INTS9: variants seen among roughly 807,000 people sequenced by gnomAD.
INTS9 encodes protein related to CPSF subunits of 74 kDa.
INTS9 carries 55 observed loss-of-function variants against 79.7 expected under a neutral mutation model. The ratio of observed to expected loss-of-function variants is 0.69; its 90% confidence interval spans 0.56 to 0.86. The LOEUF (loss-of-function observed/expected upper bound fraction) is 0.86. Among genes scored for constraint, INTS9 ranks in the 40% least tolerant of loss-of-function variants. The pLI is 0.00. For synonymous variants in INTS9, 319 were observed against 325.2 expected (o/e 0.98, Z 0.20); for missense variants, 721 against 831.5 (o/e 0.87, Z 1.64).
chr8:28,794,195 A>C (rs1461688679), intron 9 of INTS9, among the ~76,000 whole-genome samples: 1 of 152,212 alleles, frequency 6.6e-6, no homozygotes, highest in Non-Finnish European at 1.5e-5. Flanking sequence ...TGTCTAATCT[A>C]GGTCCCTGGG....
At chr8:28,846,712 G>GT (rs757521496) in intron 4 of INTS9, 35 bp downstream of exon 4, 1 of 1,488,300 alleles carries the variant, frequency 6.7e-7, no homozygotes, top group South Asian at 1.1e-5. Context: ...ACATAATAAG[G>GT]TTTGTTTCTA....
intron 8 of INTS9, among the ~76,000 whole-genome samples, chr8:28,809,516 A>C (rs1804990924): frequency 6.6e-6 from 1 of 152,208 alleles, no homozygotes; most frequent in South Asian, 2.1e-4. Context: ...GCCAGCTAAA[A>C]ATTAAAATTA....
intron 1 of INTS9, among the ~76,000 whole-genome samples, chr8:28,873,089 C>CTAAAATGTGT (rs1257583214): frequency 6.6e-6 from 1 of 151,106 alleles, no homozygotes; most frequent in Non-Finnish European, 1.5e-5. Context: ...GAAAAGTTTT[C>CTAAAATGTGT]TAAAAATGTG....
At chr8:28,827,324 T>C (rs768031702) in intron 6 of INTS9, among the ~76,000 whole-genome samples, 5 of 152,222 alleles carry the variant, frequency 3.3e-5, no homozygotes, top group Non-Finnish European at 7.3e-5. Context: ...GCCTCTTCCT[T>C]CATCCTGCCA....
intron 6 of INTS9, among the ~76,000 whole-genome samples, chr8:28,823,663 T>G (rs1030344035): frequency 2.6e-5 from 4 of 152,182 alleles, no homozygotes; most frequent in African/African-American, 9.7e-5. Flanking sequence ...AGAAATTTAA[T>G]TACTTACAAA....
intron 8 of INTS9, among the ~76,000 whole-genome samples, chr8:28,802,444 A>T (rs545666826): frequency 6.6e-6 from 1 of 152,080 alleles, no homozygotes; most frequent in Non-Finnish European, 1.5e-5. Flanking sequence ...TCCCTCATAG[A>T]CCCAAGGAAC....
At chr8:28,835,444 CA>C in intron 5 of INTS9, 66 bp from the exon 6 acceptor site, 1 of 1,158,816 alleles carries the variant, frequency 8.6e-7, no homozygotes, top group Admixed American at 1.9e-5. Flanking sequence ...CATACTCTAA[CA>C]GTTGGCCAGG....
chr8:28,774,091 G>A (rs147052439), intron 14 of INTS9, among the ~76,000 whole-genome samples: 113 of 152,308 alleles, frequency 7.4e-4, no homozygotes, highest in Middle Eastern at 6.8e-3. Context: ...AGGATTACAG[G>A]AGTGAGCTAC....
intron 8 of INTS9, among the ~76,000 whole-genome samples, chr8:28,808,477 C>A (rs916771971): frequency 6.6e-6 from 1 of 152,140 alleles, no homozygotes; most frequent in South Asian, 2.1e-4. Context: ...TGCCACCGTG[C>A]CCGGTTAGAT....
At chr8:28,808,404 T>C (rs1343775044) in intron 8 of INTS9, among the ~76,000 whole-genome samples, 11 of 152,090 alleles carry the variant, frequency 7.2e-5, no homozygotes, top group Admixed American at 7.2e-4. Flanking sequence ...TGTTGGGGTC[T>C]TGAACTCCTG....
rs755645262 is a variant in INTS9, at chr8:28,770,953, C to T, written c.1662+29G>A. On this transcript the variant is annotated intron_variant, in intron 15 of 16. Coordinates refer to ENST00000521022, the MANE Select transcript of INTS9 (RefSeq NM_018250.4). Reference sequence around the variant, plus strand: ...TCTGGTTTCTTGCTGGGGAGAGGGTCCCCTGCACTCCCACCCAGCACCCCC... The same window carrying T: ...TCTGGTTTCTTGCTGGGGAGAGGGTTCCCTGCACTCCCACCCAGCACCCCC... The T allele has an allele frequency of 5.2e-6, 8 of 1,534,396 alleles. 1 individual carries two copies. In the South Asian group the frequency reaches 7.9e-5, roughly 15 times the overall value.
intron 11 of INTS9, among the ~76,000 whole-genome samples, chr8:28,781,577 T>G (rs1803269513): frequency 6.6e-6 from 1 of 152,162 alleles, no homozygotes; most frequent in Non-Finnish European, 1.5e-5. Flanking sequence ...ATGAAACTGA[T>G]GCATCCAGAC....
chr8:28,854,435 C>G (rs566246625), intron 2 of INTS9, among the ~76,000 whole-genome samples: 10 of 152,016 alleles, frequency 6.6e-5, no homozygotes, highest in African/African-American at 2.4e-4. Context: ...GCACTTTTGA[C>G]AGTTTGCAGT....
chr8:28,798,138 G>C (rs1053378088), intron 8 of INTS9: 1 of 152,214 alleles, frequency 6.6e-6, no homozygotes, highest in African/African-American at 2.4e-5. Context: ...ATATGTAAGA[G>C]CTTTTTCTCT....
At chr8:28,806,548 A>G (rs1804826329) in intron 8 of INTS9, among the ~76,000 whole-genome samples, 1 of 152,216 alleles carries the variant, frequency 6.6e-6, no homozygotes, top group Non-Finnish European at 1.5e-5. Flanking sequence ...ATATAGAAAT[A>G]TTTTACCCAA....
At position 28,835,274 on chromosome 8, in the gene INTS9, G is replaced by C. The variant is rs994337570; in HGVS notation, c.488+18C>G. ...CTGGCTCTACAGTCTCTCGGTAAGAGAGTGGTCTGTTCCTCACCTCTGAAT... is the reference window on the plus strand; with the variant it reads ...CTGGCTCTACAGTCTCTCGGTAAGACAGTGGTCTGTTCCTCACCTCTGAAT... On this transcript the variant is annotated intron_variant, in intron 6 of 16. Transcript: ENST00000521022. 6.3e-7 allele frequency: 1 copy of C among 1,582,866 alleles called. No individual in the cohort carries two copies. Among genetic ancestry groups the C allele is most frequent in the African/African-American group, 1.3e-5 (1 of 74,196 alleles).
chr8:28,848,879 C>T (rs573266540), intron 3 of INTS9, among the ~76,000 whole-genome samples: 1 of 152,304 alleles, frequency 6.6e-6, no homozygotes, highest in South Asian at 2.1e-4. Context: ...TCACAATGCG[C>T]TGGTAATGGG....
intron 2 of INTS9, among the ~76,000 whole-genome samples, chr8:28,851,282 G>A (rs1807815375): frequency 6.6e-6 from 1 of 151,994 alleles, no homozygotes; most frequent in South Asian, 2.1e-4. Flanking sequence ...TCTGTAATTA[G>A]ATGATAGGTA....
intron 5 of INTS9, among the ~76,000 whole-genome samples, chr8:28,836,539 T>G (rs1403866663): frequency 6.6e-6 from 1 of 152,220 alleles, no homozygotes; most frequent in Non-Finnish European, 1.5e-5. Context: ...TCTCATTTAT[T>G]TATTTTGGCC....
Sources: gnomAD v4.1 joint callset for allele counts (sites outside exome capture counted in the v4.1 genomes callset) on GRCh38, gnomAD v4.1.1 for gene constraint, MANE v1.5 for transcripts, NCBI Gene and HGNC (gene_info 2026-07-23, HGNC 2026-07-21) for gene names.